The following IMMP2L variants were observed in gnomAD, a reference collection of about 807,000 sequenced individuals.
IMMP2L encodes the protein inner mitochondrial membrane peptidase subunit 2.
In IMMP2L, 18 loss-of-function variants were observed where a neutral mutation model predicts 19.3. The observed-to-expected ratio is 0.93, with a 90% CI of 0.64 to 1.38. The LOEUF (loss-of-function observed/expected upper bound fraction) is 1.38, where lower values mean the gene tolerates loss of function less well. IMMP2L is among the 40% of genes most tolerant of loss of function. The pLI, the probability that IMMP2L is intolerant of heterozygous loss-of-function variation, is 0.00. For synonymous variants in IMMP2L, 76 were observed against 73.0 expected (o/e 1.04, Z -0.21); for missense variants, 233 against 218.2 (o/e 1.07, Z -0.43).
chr7:110,918,690 A>G (rs259005), intron 4 of IMMP2L, among the ~76,000 whole-genome samples: 83,984 of 151,562 alleles, frequency 0.55, 25,630 homozygotes, highest in East Asian at 0.84. Context: ...TCCTGACCTC[A>G]TGATCTGCCC....
chr7:111,550,963 A>G (rs1849397837), intron 1 of IMMP2L, among the ~76,000 whole-genome samples: 1 of 152,188 alleles, frequency 6.6e-6, no homozygotes, highest in South Asian at 2.1e-4. Context: ...CTGCAGCAAC[A>G]AGGAGAAAAG....
At chr7:111,429,538 C>T (rs1585064486) in intron 3 of IMMP2L, among the ~76,000 whole-genome samples, 2 of 150,492 alleles carry the variant, frequency 1.3e-5, no homozygotes, top group South Asian at 2.1e-4. Flanking sequence ...AATAAAGGCA[C>T]TAAAAGTTAG....
At chr7:111,511,654 A>C (rs1051541751) in intron 2 of IMMP2L, among the ~76,000 whole-genome samples, 53 of 151,666 alleles carry the variant, frequency 3.5e-4, no homozygotes, top group Non-Finnish European at 6.3e-4. Flanking sequence ...GTTGAACAAA[A>C]AAAAAAAAAA....
At chr7:110,698,063 C>T (rs142316223) in intron 5 of IMMP2L, among the ~76,000 whole-genome samples, 38 of 152,190 alleles carry the variant, frequency 2.5e-4, no homozygotes, top group African/African-American at 8.7e-4. Flanking sequence ...AAGGTATCAC[C>T]AATTTCCATT....
intron 3 of IMMP2L, among the ~76,000 whole-genome samples, chr7:111,377,473 C>T (rs185962453): frequency 1.3e-5 from 2 of 151,920 alleles, no homozygotes; most frequent in Non-Finnish European, 2.9e-5. Context: ...ATGCCCAGCA[C>T]CTGTTCCTGT....
rs551776979 is a variant in IMMP2L at position 111,430,022 on chromosome 7, G to A, written c.239+57216C>T. 7.9e-5 allele frequency among the ~76,000 whole-genome samples: 12 copies of A among 151,964 alleles called. No individual in the cohort carries two copies. In the South Asian group the frequency reaches 2.5e-3, roughly 32 times the overall value. On this transcript the variant is annotated intron_variant, in intron 3 of 5. Coordinates refer to ENST00000405709, the MANE Select transcript of IMMP2L (RefSeq NM_032549.4). ...GCAAGAATGATCATAATGTAGTTTA[G>A]TTCCCTTTCAGTGGCTATTGCCACA...
intron 1 of IMMP2L, among the ~76,000 whole-genome samples, chr7:111,558,412 T>C (rs751364203): frequency 6.6e-5 from 10 of 152,130 alleles, no homozygotes; most frequent in Non-Finnish European, 1.2e-4. Context: ...TGAGGAAAAA[T>C]GAAACAACTA....
chr7:111,111,912 ATATTT>A (rs1240395205), intron 3 of IMMP2L, among the ~76,000 whole-genome samples: 1 of 133,594 alleles, frequency 7.5e-6, no homozygotes, highest in African/African-American at 2.8e-5. Context: ...CTTTATTTAT[ATATTT>A]TATTTATATA....
chr7:110,807,485 C>G (rs967741817), intron 5 of IMMP2L, among the ~76,000 whole-genome samples: 1 of 151,964 alleles, frequency 6.6e-6, no homozygotes, highest in African/African-American at 2.4e-5. Context: ...TTCATTTGTA[C>G]CTTTTCTCTA....
intron 5 of IMMP2L, among the ~76,000 whole-genome samples, chr7:110,668,147 T>C (rs1791592093): frequency 1.3e-5 from 2 of 152,284 alleles, no homozygotes; most frequent in Non-Finnish European, 2.9e-5. Context: ...ACCCTAGTGA[T>C]TCTGCTGATT....
intron 5 of IMMP2L, among the ~76,000 whole-genome samples, chr7:110,782,651 C>G (rs998756621): frequency 2.6e-5 from 4 of 151,894 alleles, no homozygotes; most frequent in African/African-American, 9.7e-5. Flanking sequence ...AAACCCAAAG[C>G]TTAAGCTAAC....
intron 3 of IMMP2L, among the ~76,000 whole-genome samples, chr7:111,420,933 C>G (rs938268463): frequency 2.0e-5 from 3 of 151,694 alleles, no homozygotes; most frequent in Non-Finnish European, 4.4e-5. Flanking sequence ...GTAATGGGAC[C>G]GCTGGGTCAA....
chr7:111,256,888 T>C (rs943196173), intron 3 of IMMP2L, among the ~76,000 whole-genome samples: 3 of 152,094 alleles, frequency 2.0e-5, no homozygotes, highest in Non-Finnish European at 4.4e-5. Flanking sequence ...TTTCAGGTAC[T>C]TGACTAAATA....
intron 4 of IMMP2L, among the ~76,000 whole-genome samples, chr7:110,942,642 T>C (rs1816849283): frequency 1.3e-5 from 2 of 152,004 alleles, no homozygotes; most frequent in South Asian, 2.1e-4. Flanking sequence ...GTTCCAGGTA[T>C]GGGTAGACTG....
At chr7:111,383,482 T>C (rs766058549) in intron 3 of IMMP2L, among the ~76,000 whole-genome samples, 1 of 152,118 alleles carries the variant, frequency 6.6e-6, no homozygotes, top group Admixed American at 6.6e-5. Context: ...GTGAAGAGTA[T>C]TGGGCTTCAC....
At chr7:111,254,293 T>C (rs1816464815) in intron 3 of IMMP2L, among the ~76,000 whole-genome samples, 1 of 152,080 alleles carries the variant, frequency 6.6e-6, no homozygotes, top group Non-Finnish European at 1.5e-5. Context: ...TCCTAAGCAC[T>C]CTGGAATGAT....
chr7:110,837,682 G>T (rs1037092763), intron 5 of IMMP2L, among the ~76,000 whole-genome samples: 1 of 152,064 alleles, frequency 6.6e-6, no homozygotes, highest in African/African-American at 2.4e-5. Context: ...CTATACAGGG[G>T]CCTCAAGCTA....
intron 4 of IMMP2L, among the ~76,000 whole-genome samples, chr7:110,911,233 T>C (rs1002157264): frequency 2.0e-5 from 3 of 152,118 alleles, no homozygotes; most frequent in Non-Finnish European, 4.4e-5. Context: ...ACCTAAGCTA[T>C]CTTGTATAGT....
At chr7:110,788,699 G>T (rs1322851599) in intron 5 of IMMP2L, among the ~76,000 whole-genome samples, 4 of 151,508 alleles carry the variant, frequency 2.6e-5, no homozygotes, top group Admixed American at 2.6e-4. Flanking sequence ...AATTAATTTT[G>T]CGCTCCGATG....
Sources: gnomAD v4.1 joint callset for allele counts (sites outside exome capture counted in the v4.1 genomes callset) on GRCh38, gnomAD v4.1.1 for gene constraint, MANE v1.5 for transcripts, NCBI Gene and HGNC (gene_info 2026-07-23, HGNC 2026-07-21) for gene names.